The following SLC15A1 variants were observed in gnomAD, a reference collection of about 807,000 sequenced individuals.
SLC15A1 encodes the protein Caco-2 oligopeptide transporter.
In SLC15A1, 83 loss-of-function variants were observed where a neutral mutation model predicts 92.9. The ratio of observed to expected loss-of-function variants is 0.89; its 90% CI spans 0.75 to 1.07. The LOEUF (loss-of-function observed/expected upper bound fraction) is 1.07. Ranked by LOEUF, SLC15A1 falls within the 50% of genes least tolerant of loss-of-function variation. The probability of loss-of-function intolerance (pLI) is 0.00; values close to 1 mark genes in which losing one functional copy is unlikely to be tolerated. For missense variants in SLC15A1, 857 were observed against 880.1 expected, an observed-to-expected ratio of 0.97 and a Z score of 0.33; for synonymous variants, 322 against 318.2, an observed-to-expected ratio of 1.01 and a Z score of -0.13.
At chr13:98,717,373 G>A (rs1281287879) in intron 8 of SLC15A1, among the ~76,000 whole-genome samples, 3 of 152,150 alleles carry the variant, frequency 2.0e-5, no homozygotes, top group Non-Finnish European at 2.9e-5. Flanking sequence ...TTAAGCTTCT[G>A]ATTAACTGAA....
At chr13:98,727,822 C>A (rs938587129) in intron 1 of SLC15A1, among the ~76,000 whole-genome samples, 2 of 152,202 alleles carry the variant, frequency 1.3e-5, no homozygotes, top group Admixed American at 1.3e-4. Context: ...TCACTCACCC[C>A]GATTTCCTTA....
chr13:98,726,039 A>C, intron 4 of SLC15A1, 84 bp downstream of exon 4: 1 of 1,515,206 alleles, frequency 6.6e-7, no homozygotes, highest in Non-Finnish European at 8.9e-7. Context: ...TTGATTCATC[A>C]TTCCCAGATT....
chr13:98,740,364 C>A (rs953665766), intron 1 of SLC15A1, among the ~76,000 whole-genome samples: 11 of 152,186 alleles, frequency 7.2e-5, no homozygotes, highest in African/African-American at 2.4e-4. Context: ...CAGTGGAGAA[C>A]CTTGCTCCCA....
chr13:98,707,893 A>T (rs1782673), intron 15 of SLC15A1, among the ~76,000 whole-genome samples: 3,096 of 30,496 alleles, frequency 0.1, 196 homozygotes, highest in African/African-American at 0.26. Flanking sequence ...ACCCTGTTTA[A>T]AAAAAAAAAA....
At chr13:98,719,569 G>GC (rs2088238125) in intron 7 of SLC15A1, among the ~76,000 whole-genome samples, 2 of 152,158 alleles carry the variant, frequency 1.3e-5, no homozygotes, top group South Asian at 4.2e-4. Context: ...AAAATCAGCG[G>GC]CCCCCTCTTG....
intron 1 of SLC15A1, 138 bp from the exon 2 acceptor site, chr13:98,726,997 C>G (rs373959368): frequency 1.3e-6 from 1 of 741,640 alleles, no homozygotes; most frequent in African/African-American, 1.7e-5. Context: ...CCTGGGATCC[C>G]GGCCCCAGAC....
intron 14 of SLC15A1, among the ~76,000 whole-genome samples, chr13:98,709,157 T>C (rs1363367014): frequency 6.6e-6 from 1 of 151,950 alleles, no homozygotes; most frequent in Non-Finnish European, 1.5e-5. Flanking sequence ...TTAGTAGAGA[T>C]GGGAATTTGC....
At chr13:98,694,029 G>A (rs2088003144) in intron 18 of SLC15A1, among the ~76,000 whole-genome samples, 1 of 152,186 alleles carries the variant, frequency 6.6e-6, no homozygotes, top group Admixed American at 6.5e-5. Flanking sequence ...CAGGATTTAA[G>A]TCTTTGATCC....
At chr13:98,687,763 C>T (rs2087941693) in intron 20 of SLC15A1, 39 bp from the exon 21 acceptor site, 1 of 1,601,416 alleles carries the variant, frequency 6.2e-7, no homozygotes, top group Non-Finnish European at 8.5e-7. Context: ...GTTGAGATAG[C>T]TTCTAAAATA....
chr13:98,688,221 T>C, intron 20 of SLC15A1, 27 bp downstream of exon 20: 1 of 1,460,548 alleles, frequency 6.8e-7, no homozygotes, highest in Non-Finnish European at 9.6e-7. Context: ...GAGCAGATCT[T>C]CTGATACAAT....
intron 1 of SLC15A1, among the ~76,000 whole-genome samples, chr13:98,744,240 CAAAAAAAA>C (rs898374872): frequency 2.4e-5 from 1 of 42,368 alleles, no homozygotes; most frequent in Non-Finnish European, 4.7e-5. Flanking sequence ...GACTCTGTCT[CAAAAAAAA>C]AAAAAAAAAA....
At chr13:98,698,238 C>T (rs1343372516) in intron 18 of SLC15A1, among the ~76,000 whole-genome samples, 16 of 152,164 alleles carry the variant, frequency 1.1e-4, no homozygotes, top group Non-Finnish European at 2.9e-5. Context: ...ACTGATCACA[C>T]TTTATTATGT....
In SLC15A1 at chr13:98,725,362, G is replaced by A. The variant is rs541669533; in HGVS notation, c.245+761C>T. On this transcript the variant is annotated intron_variant, in intron 4 of 22. Transcript: ENST00000376503. Reference sequence around the variant, plus strand: ...CATTAAGTCCCAGGAAAACTTTCCTGACAACATCCCACTGGGTGTGCTCGT... The same window carrying A: ...CATTAAGTCCCAGGAAAACTTTCCTAACAACATCCCACTGGGTGTGCTCGT... Among the ~76,000 whole-genome samples the A allele has an allele frequency of 2.8e-4, 42 of 152,268 alleles. No individual in the cohort carries two copies. The South Asian group carries it at 8.1e-3, about 29-fold the overall frequency.
chr13:98,694,793 G>A (rs1331684456), intron 18 of SLC15A1, among the ~76,000 whole-genome samples: 2 of 152,162 alleles, frequency 1.3e-5, no homozygotes, highest in Admixed American at 6.5e-5. Flanking sequence ...TTGGGAAGCT[G>A]AGGCGGGTGG....
Position 98,688,572 on chromosome 13 carries a change from A to T in SLC15A1, c.1472T>A (p.Val491Glu). 6.2e-7 allele frequency: 1 copy of T among 1,611,684 alleles called. No individual in the cohort carries two copies. Residue 491 changes from valine (V) to glutamate (E), a missense_variant, in exon 19 of 23, where the codon GTA (valine) becomes GAA (glutamate). By Grantham distance (121) the Val-to-Glu change is moderately radical (BLOSUM62 -2). Transcript: ENST00000376503. ...GGTGATGAGCTCGTTAAAAGTATTTACAAATCTGAAACAGAAAACCATCTG... is the reference window on the plus strand; with the variant it reads ...GGTGATGAGCTCGTTAAAAGTATTTTCAAATCTGAAACAGAAAACCATCTG... The part of the protein sequence containing the change: ...PEKGENGIRF[V>E]NTFNELITIT...
Position 98,739,730 on chromosome 13 carries a change from G to A in SLC15A1, c.4+12865C>T, listed in dbSNP as rs145224777. Among the ~76,000 whole-genome samples the A allele has an allele frequency of 1.5e-3, 232 of 152,126 alleles. 2 individuals are homozygous for A. Among genetic ancestry groups the A allele is most frequent in the African/African-American group, 5.2e-3 (216 of 41,478 alleles). Reference sequence around the variant, plus strand: ...AACCTTCTTTCTTTATAAATTACCCGGTTTCATGTATTTCTTTATACTACT... The same window carrying A: ...AACCTTCTTTCTTTATAAATTACCCAGTTTCATGTATTTCTTTATACTACT... On this transcript the variant is annotated intron_variant, in intron 1 of 22. Coordinates refer to ENST00000376503, the MANE Select transcript of SLC15A1 (RefSeq NM_005073.4).
chr13:98,722,907 G>A (rs1400711592), intron 5 of SLC15A1, among the ~76,000 whole-genome samples: 1 of 152,152 alleles, frequency 6.6e-6, no homozygotes, highest in African/African-American at 2.4e-5. Context: ...TATTTCTTGA[G>A]CACTGATCAC....
chr13:98,726,437 A>G lies in SLC15A1; in HGVS notation c.34T>C (p.Tyr12His). ...ACGATGAAGAAGATGCTCAGGGGAT[A>G]ACCAAAGAAACTCTGACAAAAAAGA... Reference protein sequence around the residue: ...GMSKSHSFFGYPLSIFFIVVN... With the variant: ...GMSKSHSFFGHPLSIFFIVVN... Residue 12 changes from tyrosine to histidine, a missense_variant, in exon 3 of 23, where the codon TAT (tyrosine) becomes CAT (histidine). Transcript: ENST00000376503. 1 of 1,614,056 alleles carries G rather than the reference A, an allele frequency of 6.2e-7. No homozygotes were observed. Among genetic ancestry groups the G allele is most frequent in the Non-Finnish European group, 8.5e-7 (1 of 1,179,930 alleles).
intron 11 of SLC15A1, among the ~76,000 whole-genome samples, chr13:98,711,052 G>A (rs1387046336): frequency 6.6e-6 from 1 of 152,008 alleles, no homozygotes; most frequent in African/African-American, 2.4e-5. Flanking sequence ...GGGTCTGTCT[G>A]ACACATCTCA....
Sources: gnomAD v4.1 joint callset for allele counts (sites outside exome capture counted in the v4.1 genomes callset) on GRCh38, gnomAD v4.1.1 for gene constraint, MANE v1.5 for transcripts, NCBI Gene and HGNC (gene_info 2026-07-23, HGNC 2026-07-21) for gene names.